The following PUS1 variants were observed in gnomAD, a reference collection of about 807,000 sequenced individuals.
PUS1 encodes pseudouridylate synthase 1 homolog.
Under a neutral mutation model 38.5 loss-of-function variants are expected in PUS1, and 25 were observed. The observed-to-expected ratio is 0.65, with a 90% CI of 0.47 to 0.91. The LOEUF (loss-of-function observed/expected upper bound fraction) is 0.91. Among genes scored for constraint, PUS1 ranks in the 40% least tolerant of loss-of-function variants. The pLI is 0.00. For synonymous variants in PUS1, 282 were observed against 260.4 expected (o/e 1.08, Z -0.80); for missense variants, 597 against 612.3 (o/e 0.97, Z 0.26).
intron 5 of PUS1, among the ~76,000 whole-genome samples, chr12:131,943,279 T>A (rs1366471505): frequency 2.0e-5 from 3 of 152,186 alleles, no homozygotes; most frequent in African/African-American, 4.8e-5. Flanking sequence ...CATTTTATTT[T>A]CCCCTGTGGT....
rs1481686259 is a variant in PUS1 at position 131,935,927 on chromosome 12, TTGGACGGGCGTGGTGGCTCACGCC to T, written c.442-3243_442-3220del. 2.6e-5 allele frequency among the ~76,000 whole-genome samples: 4 copies of T among 152,290 alleles called. No homozygotes were observed. The East Asian group carries it at 7.7e-4, about 29-fold the overall frequency. ...AGCTTTATTGAAATATAATTCACTT[TTGGACGGGCGTGGTGGCTCACGCC>T]TGTAATTCCAGCACTTTGGGAGTCC... On this transcript the variant is annotated intron_variant, in intron 3 of 5. Transcript: ENST00000376649.
At position 131,939,264 on chromosome 12, in the gene PUS1, T is replaced by G; in HGVS notation, c.533T>G (p.Ile178Ser). 1 of 1,555,724 alleles carries G rather than the reference T, an allele frequency of 6.4e-7. No homozygotes were observed. Among genetic ancestry groups the G allele is most frequent in the Non-Finnish European group, 8.7e-7 (1 of 1,148,118 alleles). Reference sequence around the variant, plus strand: ...ATCAACAGCCACCTTCCCTCTCACATTCGGATTCTGGGTAAGCCTTGCAGT... The same window carrying G: ...ATCAACAGCCACCTTCCCTCTCACAGTCGGATTCTGGGTAAGCCTTGCAGT... ...EKINSHLPSH[I>S]RILGLKRVTG... The change falls in exon 4 of 6, where the codon ATT becomes AGT. Residue 178 changes from isoleucine (I) to serine (S), a missense_variant. Transcript: ENST00000376649.
Position 131,932,236 on chromosome 12 carries a change from G to A in PUS1, c.365G>A (p.Arg122Gln), listed in dbSNP as rs199863621. Residue 122 changes from arginine (R) to glutamine (Q), a missense_variant, in exon 3 of 6, where the codon CGG becomes CAG. Physicochemically the swap from Arg to Gln is conservative, Grantham distance 43. Coordinates refer to ENST00000376649, the MANE Select transcript of PUS1 (RefSeq NM_025215.6). ...GATGACTTGGTGTCCGCCCTCGTCC[G>A]GTCAGGCTGTATTCCTGAAAATCAT... ...IEDDLVSALV[R>Q]SGCIPENHGE... 187 of 1,613,752 alleles carry A rather than the reference G, an allele frequency of 1.2e-4. No homozygotes were observed. Among genetic ancestry groups the A allele is most frequent in the Non-Finnish European group, 1.5e-4 (174 of 1,179,660 alleles).
At chr12:131,935,448 G>A (rs1890781323) in intron 3 of PUS1, among the ~76,000 whole-genome samples, 1 of 152,222 alleles carries the variant, frequency 6.6e-6, no homozygotes, top group Non-Finnish European at 1.5e-5. Context: ...ACCTGCAGAA[G>A]TAAATCCATT....
rs1890968282 is a variant in PUS1 at position 131,939,291 on chromosome 12, C to T, written c.544+16C>T. 1.4e-5 allele frequency: 21 copies of T among 1,470,618 alleles called. No homozygotes were observed. Among genetic ancestry groups the T allele is most frequent in the Admixed American group, 3.9e-5 (2 of 51,108 alleles). 91.1% of individuals were successfully genotyped at this position (1,470,618 alleles called of 1,614,324 possible). On this transcript the variant is annotated intron_variant, in intron 4 of 5. Transcript: ENST00000376649. ...CGGATTCTGGGTAAGCCTTGCAGTG[C>T]AGGCGGCCACACACCTGGTTGTAGA...
In PUS1 at chr12:131,929,954, C is replaced by A; in HGVS notation, c.122C>A (p.Ala41Glu). 6.6e-7 allele frequency: 1 copy of A among 1,512,110 alleles called. No homozygotes were observed. The highest frequency in any genetic ancestry group is 1.4e-5 in the African/African-American group (1 of 69,980). 93.7% of individuals were successfully genotyped at this position (1,512,110 alleles called of 1,614,324 possible). The change falls in exon 2 of 6, where the codon GCA (alanine) becomes GAA (glutamate). Residue 41 changes from alanine (A) to glutamate (E), a missense_variant. By Grantham distance (107) the Ala-to-Glu change is moderately radical. Coordinates refer to ENST00000376649, the MANE Select transcript of PUS1 (RefSeq NM_025215.6). The stretch of plus-strand genomic sequence containing the variant: ...GCGGAGCCGCCGCCCGCCGGAGCCG[C>A]ATGCCCCCAGGACCGGAGGTCCTGC... The part of the protein sequence containing the change: ...GNAEPPPAGA[A>E]CPQDRRSCSG...
intron 3 of PUS1, chr12:131,934,779 T>C (rs1307473118): frequency 6.6e-6 from 1 of 152,258 alleles, no homozygotes; most frequent in African/African-American, 2.4e-5. Flanking sequence ...GTGAACGTGA[T>C]ACCTGTCATC....
chr12:131,941,515 T>C lies in PUS1; in HGVS notation c.768T>C (p.Asp256=). Residue 256 remains aspartate (D), a synonymous_variant, in exon 5 of 6, where the codon GAT becomes GAC. Transcript: ENST00000376649. This position sits in a 1 kb window ranked among gnomAD's most constrained non-coding sequence, Gnocchi z 4.4. ...HNFTSQKGPQ[D]PSACRYILEM... is the part of the protein sequence containing the mutation. ...TCACCTCGCAGAAGGGGCCGCAGGATCCCAGTGCCTGCCGCTACATCCTGG... is the reference window on the plus strand; with the variant it reads ...TCACCTCGCAGAAGGGGCCGCAGGACCCCAGTGCCTGCCGCTACATCCTGG... 1 of 1,614,098 alleles carries C rather than the reference T, an allele frequency of 6.2e-7. No homozygotes were observed. The highest frequency in any genetic ancestry group is 8.5e-7 in the Non-Finnish European group (1 of 1,179,990).
At position 131,941,084 on chromosome 12, in the gene PUS1, G is replaced by C. The variant is rs1891039207; in HGVS notation, c.545-208G>C. 3.3e-6 allele frequency: 2 copies of C among 600,478 alleles called. No individual in the cohort carries two copies. Among genetic ancestry groups the C allele is most frequent in the Non-Finnish European group, 6.0e-6 (2 of 335,502 alleles). 37.2% of individuals were successfully genotyped at this position (600,478 alleles called of 1,614,324 possible). A position where few individuals can be genotyped will look rare whatever the true frequency, so the allele number is the denominator to read the frequency against. ...GTTGTAAATTCAGTCACCTTATAGAGCACTGCACCTGTCCCTCCTGTCCAT... is the reference window on the plus strand; with the variant it reads ...GTTGTAAATTCAGTCACCTTATAGACCACTGCACCTGTCCCTCCTGTCCAT... On this transcript the variant is annotated intron_variant, in intron 4 of 5. Coordinates refer to ENST00000376649, the MANE Select transcript of PUS1 (RefSeq NM_025215.6). The surrounding 1 kb of genome is among the most constrained non-coding windows in gnomAD (Gnocchi z 4.4).
rs1891227660 is a variant in PUS1, at chr12:131,944,705, A to T, written c.*1119A>T. The T allele has an allele frequency of 1.3e-5, 2 of 152,998 alleles. No individual in the cohort carries two copies. The highest frequency in any genetic ancestry group is 4.8e-5 in the African/African-American group (2 of 41,444). 9.5% of individuals were successfully genotyped at this position (152,998 alleles called of 1,614,324 possible). A position where few individuals can be genotyped will look rare whatever the true frequency, so the allele number is the denominator to read the frequency against. ...CTGGTTGCAGGTCGGTACTCGCCTC[A>T]GCACTGTCCCGGTGCCAGGCAGGTG... On this transcript the variant is annotated 3_prime_UTR_variant, in exon 6 of 6. Coordinates refer to ENST00000376649, the MANE Select transcript of PUS1 (RefSeq NM_025215.6).
intron 5 of PUS1, among the ~76,000 whole-genome samples, chr12:131,942,625 C>G (rs1045492021): frequency 6.6e-6 from 1 of 152,166 alleles, no homozygotes; most frequent in Non-Finnish European, 1.5e-5. Context: ...CCAGGATGGT[C>G]TTGATCTCCT....
chr12:131,934,758 A>G (rs1383955876), intron 3 of PUS1: 4 of 152,230 alleles, frequency 2.6e-5, no homozygotes, highest in Non-Finnish European at 4.4e-5. Flanking sequence ...TGTAGCACGT[A>G]TGAGGCATCA....
In PUS1 at chr12:131,941,525, T is replaced by C. The variant is rs1891066407; in HGVS notation, c.778T>C (p.Cys260Arg). Residue 260 changes from cysteine (C) to arginine (R), a missense_variant, in exon 5 of 6, where the codon TGC (cysteine) becomes CGC (arginine). Cys to Arg is a radical substitution (Grantham distance 180). Transcript: ENST00000376649. This position sits in a 1 kb window ranked among gnomAD's most constrained non-coding sequence, Gnocchi z 4.4. ...GAAGGGGCCGCAGGATCCCAGTGCC[T>C]GCCGCTACATCCTGGAGATGTACTG... ...SQKGPQDPSA[C>R]RYILEMYCEE... The C allele has an allele frequency of 1.9e-6, 3 of 1,614,054 alleles. No individual in the cohort carries two copies. The highest frequency in any genetic ancestry group is 2.5e-6 in the Non-Finnish European group (3 of 1,180,012).
chr12:131,941,248 C>T lies in PUS1; in HGVS notation c.545-44C>T, dbSNP rs1308662203. 1.9e-6 allele frequency: 3 copies of T among 1,551,630 alleles called. No homozygotes were observed. Among genetic ancestry groups the T allele is most frequent in the South Asian group, 1.1e-5 (1 of 89,412 alleles). On this transcript the variant is annotated intron_variant, in intron 4 of 5. Coordinates refer to ENST00000376649, the MANE Select transcript of PUS1 (RefSeq NM_025215.6). The surrounding 1 kb of genome is among the most constrained non-coding windows in gnomAD (Gnocchi z 4.4). Reference sequence around the variant, plus strand: ...TCAGGCTGCTCCCTGGTCATCCAGGCACTTCTCACCTGCCTTTCTCCTCCC... The same window carrying T: ...TCAGGCTGCTCCCTGGTCATCCAGGTACTTCTCACCTGCCTTTCTCCTCCC...
rs1437937788 is a variant in PUS1, at chr12:131,939,227, A to C, written c.496A>C (p.Ile166Leu). ...CCTGAAGGTGTGGCTGATTGACGAC[A>C]TTCTAGAAAAGATCAACAGCCACCT... ...VSLKVWLIDD[I>L]LEKINSHLPS... is the part of the protein sequence containing the mutation. The change falls in exon 4 of 6, where the codon ATT (isoleucine) becomes CTT (leucine). Residue 166 changes from isoleucine (I) to leucine (L), a missense_variant. By Grantham distance (5) the Ile-to-Leu change is conservative. Transcript: ENST00000376649. 1.9e-6 allele frequency: 3 copies of C among 1,562,626 alleles called. No individual in the cohort carries two copies. Among genetic ancestry groups the C allele is most frequent in the Non-Finnish European group, 2.6e-6 (3 of 1,151,774 alleles).
intron 3 of PUS1, among the ~76,000 whole-genome samples, chr12:131,938,755 T>C (rs1173956345): frequency 6.7e-6 from 1 of 148,254 alleles, no homozygotes; most frequent in Admixed American, 6.9e-5. Context: ...GGAGTCTGGC[T>C]CTGTCACCCA....
chr12:131,929,798 T>A lies in PUS1; in HGVS notation c.74+2T>A. Reference sequence around the variant, plus strand: ...GCGCCTGGGACCGCGTCCGTCCTGGTAATGACCGCGACGCCGGGCGACCCC... The same window carrying A: ...GCGCCTGGGACCGCGTCCGTCCTGGAAATGACCGCGACGCCGGGCGACCCC... On this transcript the variant is annotated splice_donor_variant, in intron 1 of 5. Coordinates refer to ENST00000376649, the MANE Select transcript of PUS1 (RefSeq NM_025215.6). LOFTEE classifies it high-confidence loss of function. 6.3e-7 allele frequency: 1 copy of A among 1,582,950 alleles called. No individual in the cohort carries two copies. The highest frequency in any genetic ancestry group is 8.5e-7 in the Non-Finnish European group (1 of 1,173,698).
In PUS1 at chr12:131,943,835, A is replaced by T; in HGVS notation, c.*249A>T. On this transcript the variant is annotated 3_prime_UTR_variant, in exon 6 of 6. Transcript: ENST00000376649. ...TTTAAAGAAGTGATTTTCTTATTAA[A>T]CAAGTACAAATTTTGCTTAGTCAAT... The T allele has an allele frequency of 2.0e-6, 1 of 488,332 alleles. No individual in the cohort carries two copies. The highest frequency in any genetic ancestry group is 3.8e-6 in the Non-Finnish European group (1 of 266,424). 30.2% of individuals were successfully genotyped at this position (488,332 alleles called of 1,614,324 possible).
chr12:131,941,363 C>T lies in PUS1; in HGVS notation c.616C>T (p.Pro206Ser). ...CDARTYCYLL[P>S]TFAFAHKDRD... ...TGCCAGGACCTATTGCTACCTGCTGCCCACGTTTGCCTTTGCGCACAAGGA... is the reference window on the plus strand; with the variant it reads ...TGCCAGGACCTATTGCTACCTGCTGTCCACGTTTGCCTTTGCGCACAAGGA... The change falls in exon 5 of 6, where the codon CCC becomes TCC. Residue 206 changes from proline to serine, a missense_variant. By Grantham distance (74) the Pro-to-Ser change is moderately conservative. Transcript: ENST00000376649. This position sits in a 1 kb window ranked among gnomAD's most constrained non-coding sequence, Gnocchi z 4.4. 1.2e-6 allele frequency: 2 copies of T among 1,614,226 alleles called. No individual in the cohort carries two copies. The highest frequency in any genetic ancestry group is 1.7e-6 in the Non-Finnish European group (2 of 1,180,032).
Sources: gnomAD v4.1 joint callset for allele counts (sites outside exome capture counted in the v4.1 genomes callset) on GRCh38, gnomAD v4.1.1 for gene constraint, Gnocchi (gnomAD v3.1) non-coding constraint, MANE v1.5 for transcripts, NCBI Gene and HGNC (gene_info 2026-07-23, HGNC 2026-07-21) for gene names.